LPAR6: variants seen among roughly 807,000 people sequenced by gnomAD.
LPAR6 encodes lysophosphatidic acid receptor 6, also known as G-protein coupled purinergic receptor P2Y5.
Under a neutral mutation model 22.0 loss-of-function variants are expected in LPAR6, and 17 were observed. That is an observed-to-expected ratio of 0.77 (90% CI 0.53 to 1.16). LPAR6 has a LOEUF of 1.16. LPAR6 is among the 50% of genes most tolerant of loss of function. LPAR6 has a pLI of 0.00. For synonymous variants in LPAR6, 136 were observed against 139.8 expected, an observed-to-expected ratio of 0.97 and a Z score of 0.19; for missense variants, 384 against 406.9, an observed-to-expected ratio of 0.94 and a Z score of 0.48.
chr13:48,398,153 A>G (rs943405531), intron 1 of LPAR6, among the ~76,000 whole-genome samples: 33 of 152,198 alleles, frequency 2.2e-4, no homozygotes, highest in African/African-American at 8.0e-4. Context: ...CTATATTTTT[A>G]AAAGCTTCTC....
intron 2 of LPAR6, among the ~76,000 whole-genome samples, chr13:48,420,262 A>G (rs550044766): frequency 6.6e-6 from 1 of 152,256 alleles, no homozygotes; most frequent in Non-Finnish European, 1.5e-5. Context: ...AATCCATCAC[A>G]TAAACAGAAC....
Position 48,412,071 on chromosome 13 carries a change from A to G in LPAR6, c.353T>C (p.Ile118Thr). ...AGTCTTTGACTTAAATGGGTAGACA[A>G]TTGCCAGAAATCGATCTACACTAAT... is the stretch of plus-strand genomic sequence containing the variant. ...TCISVDRFLA[I>T]VYPFKSKTLR... The change falls in exon 1 of 1, where the codon ATT becomes ACT. Residue 118 changes from isoleucine to threonine, a missense_variant. Ile to Thr is a moderately conservative substitution (Grantham distance 89). Coordinates refer to ENST00000620633, the MANE Select transcript of LPAR6 (RefSeq NM_001162498.3). 1 of 1,551,004 alleles carries G rather than the reference A, an allele frequency of 6.4e-7. No individual in the cohort carries two copies. Among genetic ancestry groups the G allele is most frequent in the Non-Finnish European group, 8.7e-7 (1 of 1,148,540 alleles).
At chr13:48,431,541 A>C (rs1192357012), upstream of LPAR6, among the ~76,000 whole-genome samples, 1 of 152,222 alleles carries the variant, frequency 6.6e-6, no homozygotes, top group African/African-American at 2.4e-5. Flanking sequence ...ATCTATTCCC[A>C]GAGCAAAATT....
chr13:48,418,072 A>C (rs1309633831), upstream of LPAR6, among the ~76,000 whole-genome samples: 1 of 152,222 alleles, frequency 6.6e-6, no homozygotes, highest in African/African-American at 2.4e-5. Context: ...CCCAAGACAC[A>C]TAATCGTCAG....
downstream of LPAR6, among the ~76,000 whole-genome samples, chr13:48,407,503 G>T (rs1948750994): frequency 6.6e-6 from 1 of 152,120 alleles, no homozygotes; most frequent in Non-Finnish European, 1.5e-5. Flanking sequence ...TTATAAAACT[G>T]TCTGACATCA....
chr13:48,423,454 C>A (rs1257578649), intron 1 of LPAR6, among the ~76,000 whole-genome samples: 1 of 152,080 alleles, frequency 6.6e-6, no homozygotes, highest in African/African-American at 2.4e-5. Flanking sequence ...AAACAGGTTG[C>A]ACAAGAAACA....
At chr13:48,419,981 C>A (rs922258331) in intron 2 of LPAR6, among the ~76,000 whole-genome samples, 3 of 152,134 alleles carry the variant, frequency 2.0e-5, no homozygotes, top group Admixed American at 1.3e-4. Context: ...TGGTACTATT[C>A]CTTCTGAAAC....
At chr13:48,443,040 T>A (rs1949253393) in intron 1 of LPAR6, among the ~76,000 whole-genome samples, 1 of 152,070 alleles carries the variant, frequency 6.6e-6, no homozygotes, top group Non-Finnish European at 1.5e-5. Flanking sequence ...TTTTAAGACA[T>A]TTAATTAATA....
chr13:48,391,560 G>A (rs1385325831), intron 1 of LPAR6: 1 of 152,036 alleles, frequency 6.6e-6, no homozygotes, highest in East Asian at 1.9e-4. Flanking sequence ...TTCAAAACCA[G>A]CCTAGGCAAC....
downstream of LPAR6, among the ~76,000 whole-genome samples, chr13:48,409,299 T>G (rs1470506587): frequency 6.6e-6 from 1 of 151,780 alleles, no homozygotes; most frequent in African/African-American, 2.4e-5. Context: ...AAACCATGGA[T>G]CCCTAAAGAA....
upstream of LPAR6, among the ~76,000 whole-genome samples, chr13:48,413,905 T>C (rs756555770): frequency 5.3e-5 from 8 of 152,136 alleles, no homozygotes; most frequent in Non-Finnish European, 4.4e-5. Context: ...CTTGGCAAAA[T>C]TTTAGGTTCA....
chr13:48,392,530 G>A (rs1184055714), intron 1 of LPAR6, among the ~76,000 whole-genome samples: 4 of 151,902 alleles, frequency 2.6e-5, no homozygotes, highest in African/African-American at 9.7e-5. Context: ...TATCTAATCT[G>A]CTATTAATCT....
At chr13:48,401,966 T>C (rs924741738) in intron 1 of LPAR6, among the ~76,000 whole-genome samples, 2 of 152,158 alleles carry the variant, frequency 1.3e-5, no homozygotes, top group East Asian at 3.8e-4. Context: ...TTTCTTATTT[T>C]AAGATAATTT....
chr13:48,392,559 T>A (rs1948619160), intron 1 of LPAR6, among the ~76,000 whole-genome samples: 1 of 152,186 alleles, frequency 6.6e-6, no homozygotes, highest in Non-Finnish European at 1.5e-5. Context: ...GTATTTTTAG[T>A]CTTACTATAG....
At chr13:48,390,330 C>T (rs1948601261) in intron 1 of LPAR6, among the ~76,000 whole-genome samples, 1 of 152,154 alleles carries the variant, frequency 6.6e-6, no homozygotes, top group African/African-American at 2.4e-5. Flanking sequence ...AGAGTTGTTT[C>T]ACCTTAGAAT....
At chr13:48,398,449 A>C (rs910698456) in intron 1 of LPAR6, among the ~76,000 whole-genome samples, 4 of 151,990 alleles carry the variant, frequency 2.6e-5, no homozygotes, top group Non-Finnish European at 5.9e-5. Context: ...TTACTTTTCA[A>C]ATCATCTGGG....
chr13:48,411,884 A>G lies in LPAR6; in HGVS notation c.540T>C (p.Tyr180=), dbSNP rs1948812836. The change falls in exon 1 of 1, where the codon TAT becomes TAC. Residue 180 remains tyrosine (Y), a synonymous_variant. Coordinates refer to ENST00000620633, the MANE Select transcript of LPAR6 (RefSeq NM_001162498.3). ...ENFPEATWKT[Y]LSRIVIFIEI... Reference sequence around the variant, plus strand: ...CGATGAAAATTACAATCCTTGAGAGATATGTTTTCCATGTGGCTTCTGGAA... The same window carrying G: ...CGATGAAAATTACAATCCTTGAGAGGTATGTTTTCCATGTGGCTTCTGGAA... The G allele has an allele frequency of 1.9e-6, 3 of 1,613,628 alleles. No individual in the cohort carries two copies. The highest frequency in any genetic ancestry group is 2.5e-6 in the Non-Finnish European group (3 of 1,179,860).
chr13:48,440,442 C>A (rs17071729), intron 1 of LPAR6, among the ~76,000 whole-genome samples: 1,930 of 152,232 alleles, frequency 0.013, 49 homozygotes, highest in African/African-American at 0.044. Flanking sequence ...TACTTATGTA[C>A]AAATAGCTAA....
intron 1 of LPAR6, among the ~76,000 whole-genome samples, chr13:48,390,018 G>C (rs1948599455): frequency 6.6e-6 from 1 of 152,070 alleles, no homozygotes; most frequent in Non-Finnish European, 1.5e-5. Context: ...GCCAGGTGTG[G>C]TGGCACACAC....
Sources: allele counts gnomAD v4.1 joint callset (sites outside exome capture counted in the v4.1 genomes callset), GRCh38; gene constraint gnomAD v4.1.1; transcripts MANE v1.5; gene names NCBI Gene and HGNC (gene_info 2026-07-23, HGNC 2026-07-21).